The following VPS41 variants were observed in gnomAD, a reference collection of about 807,000 sequenced individuals.
VPS41 encodes the protein VPS41 subunit of HOPS complex.
Under a neutral mutation model 130.9 loss-of-function variants are expected in VPS41, and 85 were observed. The ratio of observed to expected loss-of-function variants is 0.65; its 90% CI spans 0.55 to 0.78. VPS41 has a LOEUF of 0.78. Ranked by LOEUF, VPS41 falls within the 30% of genes least tolerant of loss-of-function variation. The pLI, the probability that VPS41 is intolerant of heterozygous loss-of-function variation, is 0.00. For synonymous variants in VPS41, 335 were observed against 332.9 expected (o/e 1.01, Z -0.07); for missense variants, 874 against 1,018.7 (o/e 0.86, Z 1.93).
intron 7 of VPS41, among the ~76,000 whole-genome samples, chr7:38,809,131 A>G (rs1784890776): frequency 2.0e-5 from 3 of 152,096 alleles, no homozygotes; most frequent in Admixed American, 2.0e-4. Flanking sequence ...CGTGGCAATC[A>G]CTTCACAATA....
chr7:38,760,762 T>TA (rs1256444800), intron 17 of VPS41, among the ~76,000 whole-genome samples: 1 of 152,076 alleles, frequency 6.6e-6, no homozygotes, highest in Admixed American at 6.6e-5. Flanking sequence ...TTGGTTTATA[T>TA]AAAAAATAGT....
At chr7:38,827,176 G>T (rs945924456) in intron 5 of VPS41, among the ~76,000 whole-genome samples, 2 of 151,936 alleles carry the variant, frequency 1.3e-5, no homozygotes, top group African/African-American at 4.8e-5. Context: ...AACAGAATTG[G>T]GAAAGATTTC....
chr7:38,803,453 C>A (rs1233786061), intron 7 of VPS41, among the ~76,000 whole-genome samples: 1 of 152,166 alleles, frequency 6.6e-6, no homozygotes, highest in African/African-American at 2.4e-5. Context: ...ATGTGTGTTC[C>A]CACGGGGAGA....
chr7:38,849,048 T>C (rs1204873790), intron 4 of VPS41, among the ~76,000 whole-genome samples: 2 of 151,638 alleles, frequency 1.3e-5, no homozygotes, highest in Non-Finnish European at 2.9e-5. Flanking sequence ...CCAGTGAGAA[T>C]TTTTTTTTCT....
intron 16 of VPS41, among the ~76,000 whole-genome samples, chr7:38,765,367 A>G (rs1584383453): frequency 6.6e-6 from 1 of 151,636 alleles, no homozygotes; most frequent in East Asian, 1.9e-4. Context: ...GAGATAAGTG[A>G]ACACATTGTA....
intron 5 of VPS41, among the ~76,000 whole-genome samples, chr7:38,824,512 T>G (rs1352881892): frequency 1.3e-5 from 2 of 152,162 alleles, no homozygotes; most frequent in African/African-American, 4.8e-5. Context: ...ATAAAAATCA[T>G]AAGCAGAAGA....
chr7:38,819,485 T>C (rs781529571), intron 6 of VPS41, among the ~76,000 whole-genome samples: 14 of 152,242 alleles, frequency 9.2e-5, no homozygotes, highest in Non-Finnish European at 1.9e-4. Flanking sequence ...AAGAAGAGTC[T>C]CTGCTGATTG....
chr7:38,895,019 T>A lies in VPS41; in HGVS notation c.60+3072A>T, dbSNP rs116765514. On this transcript the variant is annotated intron_variant, in intron 2 of 28. Transcript: ENST00000310301. ...ATTTCTAATATAGTTTTTAAATATC[T>A]GATTTAAGGTACTTTACTGTGGCCA... Among the ~76,000 whole-genome samples, 351 of 152,358 alleles carry A rather than the reference T, an allele frequency of 2.3e-3. 2 individuals are homozygous for A. The highest frequency in any genetic ancestry group is 7.9e-3 in the African/African-American group (330 of 41,578).
chr7:38,885,708 G>A (rs1306029617), intron 2 of VPS41, among the ~76,000 whole-genome samples: 2 of 152,148 alleles, frequency 1.3e-5, no homozygotes, highest in Non-Finnish European at 2.9e-5. Context: ...ATATTGTCTT[G>A]CATTAAAATG....
chr7:38,809,088 T>C (rs1017098316), intron 7 of VPS41, among the ~76,000 whole-genome samples: 4 of 152,166 alleles, frequency 2.6e-5, no homozygotes, highest in African/African-American at 9.7e-5. Context: ...ATGGTAACTA[T>C]GTGAGGCAAC....
rs534643074 is a variant in VPS41, at chr7:38,844,450, T to C, written c.247-14122A>G. Among the ~76,000 whole-genome samples the C allele has an allele frequency of 4.6e-5, 7 of 152,348 alleles. No homozygotes were observed. The South Asian group carries it at 1.0e-3, about 23-fold the overall frequency. On this transcript the variant is annotated intron_variant, in intron 4 of 28. Transcript: ENST00000310301. ...GAAACTTTAGCCACTTAAACTTCCA[T>C]TCTAATGACCTAAAAACAAATTACT...
At chr7:38,846,140 G>T (rs981955051) in intron 4 of VPS41, among the ~76,000 whole-genome samples, 3 of 152,062 alleles carry the variant, frequency 2.0e-5, no homozygotes, top group Admixed American at 6.5e-5. Flanking sequence ...GATATAAAGA[G>T]AATTTAAAAA....
intron 1 of VPS41, among the ~76,000 whole-genome samples, chr7:38,903,474 C>T (rs1255693388): frequency 2.0e-5 from 3 of 152,126 alleles, no homozygotes; most frequent in African/African-American, 7.2e-5. Flanking sequence ...AGGAAGGCCA[C>T]TCCAAACTTT....
chr7:38,846,169 G>A (rs909604088), intron 4 of VPS41, among the ~76,000 whole-genome samples: 2 of 152,160 alleles, frequency 1.3e-5, no homozygotes, highest in African/African-American at 4.8e-5. Context: ...TGAATACAAG[G>A]TGTTTGTGTA....
At chr7:38,854,420 C>T (rs17171473) in intron 4 of VPS41, among the ~76,000 whole-genome samples, 7,480 of 152,196 alleles carry the variant, frequency 0.049, 276 homozygotes, top group Non-Finnish European at 0.075. Context: ...TAGATCTGCT[C>T]CAAAGATTCT....
intron 21 of VPS41, among the ~76,000 whole-genome samples, chr7:38,753,765 A>C (rs779432915): frequency 2.6e-5 from 4 of 152,160 alleles, no homozygotes; most frequent in Non-Finnish European, 4.4e-5. Flanking sequence ...GGAAGCAGAT[A>C]ATCTTGAGAT....
intron 2 of VPS41, among the ~76,000 whole-genome samples, chr7:38,887,645 C>T (rs1786763599): frequency 6.6e-6 from 1 of 152,148 alleles, no homozygotes; most frequent in Non-Finnish European, 1.5e-5. Context: ...CCTAGCAAGA[C>T]AGGCCAACAT....
rs531307548 is a variant in VPS41, at chr7:38,901,878, AT to A, written c.22-3750del. 6.6e-5 allele frequency among the ~76,000 whole-genome samples: 10 copies of A among 152,268 alleles called. No individual in the cohort carries two copies. The East Asian group carries it at 1.2e-3, about 18-fold the overall frequency. ...AAAGATCCTGTCTCTACAAAAAAAA[AT>A]GTTTTCAACTTTTTTAATGGTTAAA... On this transcript the variant is annotated intron_variant, in intron 1 of 28. Transcript: ENST00000310301.
intron 7 of VPS41, among the ~76,000 whole-genome samples, chr7:38,798,731 C>A (rs1047489424): frequency 6.6e-6 from 1 of 152,070 alleles, no homozygotes; most frequent in Non-Finnish European, 1.5e-5. Flanking sequence ...GAAGGGTTGG[C>A]AGGATGGCCG....
Sources: allele counts gnomAD v4.1 joint callset (sites outside exome capture counted in the v4.1 genomes callset), GRCh38; gene constraint gnomAD v4.1.1; transcripts MANE v1.5; gene names NCBI Gene and HGNC (gene_info 2026-07-23, HGNC 2026-07-21).